The following SOX5 variants were observed in gnomAD, a reference collection of about 807,000 sequenced individuals.
The protein encoded by SOX5 is SRY-box transcription factor 5.
SOX5 carries 9 observed loss-of-function variants against 92.0 expected under a neutral mutation model. The ratio of observed to expected loss-of-function variants is 0.10; its 90% confidence interval spans 0.06 to 0.17. SOX5 has a LOEUF of 0.17. Among genes scored for constraint, SOX5 ranks in the 10% least tolerant of loss-of-function variants. The pLI is 1.00. For missense variants in SOX5, 642 were observed against 944.5 expected, an observed-to-expected ratio of 0.68 and a Z score of 4.20; for synonymous variants, 344 against 336.3, an observed-to-expected ratio of 1.02 and a Z score of -0.25.
At chr12:23,736,454 T>A (rs1238652279) in intron 5 of SOX5, among the ~76,000 whole-genome samples, 2 of 151,802 alleles carry the variant, frequency 1.3e-5, no homozygotes, top group African/African-American at 4.8e-5. Context: ...AGAGCGAGAC[T>A]CCGTCTCAGA....
chr12:24,093,185 G>A (rs183817456), intron 4 of SOX5, among the ~76,000 whole-genome samples: 2 of 152,226 alleles, frequency 1.3e-5, no homozygotes, highest in South Asian at 2.1e-4. Flanking sequence ...CACTACGGGT[G>A]CCCTATCAGT....
intron 4 of SOX5, among the ~76,000 whole-genome samples, chr12:24,194,437 G>C (rs550485840): frequency 2.7e-5 from 4 of 146,886 alleles, no homozygotes; most frequent in African/African-American, 1.1e-4. Flanking sequence ...AGGTATGTAG[G>C]TAGGTAGGTA....
intron 1 of SOX5, among the ~76,000 whole-genome samples, chr12:23,898,416 A>C (rs2097198600): frequency 6.6e-6 from 1 of 152,166 alleles, no homozygotes; most frequent in South Asian, 2.1e-4. Flanking sequence ...CCAGTTTCTG[A>C]GTCATGAAAG....
intron 3 of SOX5, among the ~76,000 whole-genome samples, chr12:23,777,011 CATTT>C (rs936500614): frequency 2.0e-5 from 3 of 152,072 alleles, no homozygotes; most frequent in African/African-American, 7.2e-5. Context: ...TTTTATTATT[CATTT>C]ATTTATTTTC....
At chr12:24,147,516 C>T (rs537879122) in intron 4 of SOX5, among the ~76,000 whole-genome samples, 8 of 152,166 alleles carry the variant, frequency 5.3e-5, no homozygotes, top group African/African-American at 7.2e-5. Flanking sequence ...AGATCAGGAA[C>T]AAGACAAGAT....
At chr12:24,170,659 CAA>C (rs1350676201) in intron 4 of SOX5, among the ~76,000 whole-genome samples, 8 of 152,224 alleles carry the variant, frequency 5.3e-5, no homozygotes, top group Admixed American at 3.3e-4. Flanking sequence ...TGCATTTAAA[CAA>C]AAAGTCTCCA....
At chr12:23,898,009 T>C (rs1483374148) in intron 1 of SOX5, among the ~76,000 whole-genome samples, 1 of 152,194 alleles carries the variant, frequency 6.6e-6, no homozygotes, top group Non-Finnish European at 1.5e-5. Flanking sequence ...AGTTCTAGTT[T>C]CATTGGCAAT....
chr12:24,149,590 T>C (rs966644985), intron 4 of SOX5, among the ~76,000 whole-genome samples: 1 of 152,208 alleles, frequency 6.6e-6, no homozygotes, highest in Non-Finnish European at 1.5e-5. Flanking sequence ...TGTATTCTCC[T>C]GGTAGGAAAA....
At chr12:24,152,136 T>C (rs1951718322) in intron 4 of SOX5, among the ~76,000 whole-genome samples, 1 of 152,182 alleles carries the variant, frequency 6.6e-6, no homozygotes, top group African/African-American at 2.4e-5. Context: ...CTTTATGAAA[T>C]TCTTTAGGCT....
chr12:24,213,419 T>A lies in SOX5; in HGVS notation c.-76-2A>T, dbSNP rs1364613071. 87 of 96,762 alleles carry A rather than the reference T, an allele frequency of 9.0e-4. No homozygotes were observed. The highest frequency in any genetic ancestry group is 1.0e-3 in the Non-Finnish European group (49 of 48,602). 6.0% of individuals were successfully genotyped at this position (96,762 alleles called of 1,614,324 possible). A position where few individuals can be genotyped will look rare whatever the true frequency, so the allele number is the denominator to read the frequency against. ...TGATATTATCTATTTCTTGAAATGC[T>A]AAAAAAAAAAAAAAAAAAAAGAAAA... On this transcript the variant is annotated splice_acceptor_variant, in intron 3 of 4. Coordinates refer to the SOX5 transcript ENST00000446891. LOFTEE classifies it low-confidence loss of function (5UTR_SPLICE).
chr12:23,843,717 C>T (rs2096544460), intron 3 of SOX5, among the ~76,000 whole-genome samples: 1 of 151,790 alleles, frequency 6.6e-6, no homozygotes, highest in Non-Finnish European at 1.5e-5. Flanking sequence ...GCACACACCA[C>T]CATGCCTGCC....
At chr12:24,142,683 C>A (rs753750439) in intron 4 of SOX5, among the ~76,000 whole-genome samples, 1 of 151,718 alleles carries the variant, frequency 6.6e-6, no homozygotes, top group Non-Finnish European at 1.5e-5. Context: ...TCCCCAAGAA[C>A]CAGAATACAA....
intron 4 of SOX5, among the ~76,000 whole-genome samples, chr12:23,963,911 A>T (rs1030792134): frequency 6.6e-6 from 1 of 152,170 alleles, no homozygotes; most frequent in Non-Finnish European, 1.5e-5. Context: ...TAACTAGTTA[A>T]TAAAACATTA....
intron 1 of SOX5, among the ~76,000 whole-genome samples, chr12:23,949,304 G>C (rs1174853567): frequency 6.6e-6 from 1 of 152,208 alleles, no homozygotes; most frequent in African/African-American, 2.4e-5. Flanking sequence ...GGGAGAGAGA[G>C]AGAGATGCTT....
chr12:24,067,913 G>C (rs1941041702), intron 4 of SOX5, among the ~76,000 whole-genome samples: 1 of 152,248 alleles, frequency 6.6e-6, no homozygotes, highest in Non-Finnish European at 1.5e-5. Context: ...GGGAGGCCGA[G>C]GCGGGCGGAT....
At chr12:23,777,575 C>G (rs1289068702) in intron 3 of SOX5, among the ~76,000 whole-genome samples, 1 of 152,096 alleles carries the variant, frequency 6.6e-6, no homozygotes, top group South Asian at 2.1e-4. Flanking sequence ...CATACACACA[C>G]AATACATACC....
intron 8 of SOX5, among the ~76,000 whole-genome samples, chr12:23,621,581 A>G (rs2077186941): frequency 6.6e-6 from 1 of 152,160 alleles, no homozygotes; most frequent in South Asian, 2.1e-4. Flanking sequence ...ATGTGTTGGT[A>G]TATGAACTAA....
chr12:24,054,065 T>C (rs1957862475), intron 4 of SOX5, among the ~76,000 whole-genome samples: 1 of 152,300 alleles, frequency 6.6e-6, no homozygotes, highest in Non-Finnish European at 1.5e-5. Flanking sequence ...AATCGAAAGA[T>C]GCAACTCTTT....
rs71059938 is a variant in SOX5 at position 23,872,164 on chromosome 12, A to ATTTTTTTTTTTTTTTTT, written c.270+23612_270+23628dup. Reference sequence around the variant, plus strand: ...AGGCGCCCGCCACCACGCCCGGCTAATTTTTTTTTTTTTTTTTTTTTTTTT... The same window carrying ATTTTTTTTTTTTTTTTT: ...AGGCGCCCGCCACCACGCCCGGCTAATTTTTTTTTTTTTTTTTTTTTTTTTTTTTTTTTTTTTTTTTT... On this transcript the variant is annotated intron_variant, in intron 2 of 14. Transcript: ENST00000451604. Among the ~76,000 whole-genome samples, 196 of 61,644 alleles carry ATTTTTTTTTTTTTTTTT rather than the reference A, an allele frequency of 3.2e-3. 9 individuals carry two copies. Among genetic ancestry groups the ATTTTTTTTTTTTTTTTT allele is most frequent in the Non-Finnish European group, 4.9e-3 (153 of 30,946 alleles). The allele number at this position is 61,644 out of a possible 152,430, so 40.4% of individuals were successfully genotyped here.
Sources: gnomAD v4.1 joint callset for allele counts (sites outside exome capture counted in the v4.1 genomes callset) on GRCh38, gnomAD v4.1.1 for gene constraint, MANE v1.5 for transcripts, NCBI Gene and HGNC (gene_info 2026-07-23, HGNC 2026-07-21) for gene names.